Variants in NBAS observed in about 807,000 individuals in gnomAD.
The protein encoded by NBAS is NAG/BC035112 fusion.
A neutral mutation model predicts 302.5 loss-of-function variants in NBAS; 219 were observed. The ratio of observed to expected loss-of-function variants is 0.72; its 90% CI spans 0.65 to 0.81. The LOEUF is 0.81. Among genes scored for constraint, NBAS ranks in the 30% least tolerant of loss-of-function variants. The probability of loss-of-function intolerance (pLI) is 0.00; values close to 1 mark genes in which losing one functional copy is unlikely to be tolerated. For synonymous variants in NBAS, 1,118 were observed against 1,021.6 expected, an observed-to-expected ratio of 1.09 and a Z score of -1.80; for missense variants, 2,932 against 2,841.6, an observed-to-expected ratio of 1.03 and a Z score of -0.72.
chr2:15,034,810 A>G, the NBAS span, among the ~76,000 whole-genome samples: 8 of 152,162 alleles, frequency 5.3e-5, no homozygotes, highest in African/African-American at 1.7e-4. Flanking sequence ...CTTCTGTAAT[A>G]CCAGCCCTTC....
the NBAS span, among the ~76,000 whole-genome samples, chr2:15,030,258 A>G: frequency 8.5e-5 from 13 of 152,316 alleles, 1 homozygote; most frequent in East Asian, 2.3e-3. Context: ...ACATTCCGGA[A>G]CAGATAGAAG....
the NBAS span, among the ~76,000 whole-genome samples, chr2:14,973,989 C>T: frequency 6.6e-6 from 1 of 152,174 alleles, no homozygotes; most frequent in African/African-American, 2.4e-5. Flanking sequence ...TTCTTCAAGA[C>T]CTAGATCTAA....
intron 48 of NBAS, among the ~76,000 whole-genome samples, chr2:15,202,362 G>C (rs1665917955): frequency 6.6e-6 from 1 of 152,052 alleles, no homozygotes; most frequent in Non-Finnish European, 1.5e-5. Flanking sequence ...ATTTTTACAT[G>C]ACTAAATATA....
the NBAS span, among the ~76,000 whole-genome samples, chr2:14,823,132 G>A: frequency 6.6e-6 from 1 of 152,314 alleles, no homozygotes; most frequent in African/African-American, 2.4e-5. Flanking sequence ...ACCCTACAGG[G>A]ACTCGATTTA....
chr2:15,162,116 A>C (rs1028392515), downstream of NBAS, among the ~76,000 whole-genome samples: 1 of 152,154 alleles, frequency 6.6e-6, no homozygotes, highest in Non-Finnish European at 1.5e-5. Context: ...AAAGTTGCTT[A>C]AAGTCGTATT....
At chr2:15,462,837 A>G (rs892845813) in intron 19 of NBAS, among the ~76,000 whole-genome samples, 1 of 152,168 alleles carries the variant, frequency 6.6e-6, no homozygotes, top group Non-Finnish European at 1.5e-5. Flanking sequence ...AGTTTGAAAG[A>G]GCCTTGAGGA....
chr2:15,008,809 A>G, the NBAS span, among the ~76,000 whole-genome samples: 3 of 152,242 alleles, frequency 2.0e-5, 1 homozygote, highest in Admixed American at 2.0e-4. Context: ...AGTAGCAAAA[A>G]TAAATAAATT....
chr2:15,154,816 A>G, the NBAS span, among the ~76,000 whole-genome samples: 5 of 152,148 alleles, frequency 3.3e-5, no homozygotes, highest in African/African-American at 1.2e-4. Context: ...GTGAGGCTAT[A>G]GGTGAGTGTT....
the NBAS span, among the ~76,000 whole-genome samples, chr2:14,968,296 G>T: frequency 2.0e-5 from 3 of 152,132 alleles, no homozygotes; most frequent in Non-Finnish European, 2.9e-5. Context: ...CAATTTAAAA[G>T]TTGGCAAAGT....
chr2:14,882,288 A>C, the NBAS span, among the ~76,000 whole-genome samples: 1 of 152,202 alleles, frequency 6.6e-6, no homozygotes, highest in African/African-American at 2.4e-5. Context: ...CTTCTAGACT[A>C]AAATGAGGAA....
intron 16 of NBAS, among the ~76,000 whole-genome samples, chr2:15,472,060 A>G (rs1022357178): frequency 6.6e-6 from 1 of 152,190 alleles, no homozygotes; most frequent in East Asian, 1.9e-4. Flanking sequence ...TTAAAAAGGC[A>G]TATTTCGCAG....
the NBAS span, among the ~76,000 whole-genome samples, chr2:15,096,402 T>A: frequency 6.6e-6 from 1 of 152,176 alleles, no homozygotes. Context: ...ATGCCATCAT[T>A]ACTGACCCTC....
the NBAS span, among the ~76,000 whole-genome samples, chr2:15,029,723 G>T: frequency 2.6e-5 from 4 of 152,214 alleles, no homozygotes; most frequent in African/African-American, 9.6e-5. Flanking sequence ...GAGGGCAAAT[G>T]ACCCCATCAA....
intron 11 of NBAS, among the ~76,000 whole-genome samples, chr2:15,500,707 G>T (rs994361238): frequency 6.8e-6 from 1 of 146,878 alleles, no homozygotes; most frequent in African/African-American, 2.5e-5. Context: ...AGGCCGAGGC[G>T]GGTGGATCAC....
chr2:15,196,270 G>T (rs950226905), intron 48 of NBAS, among the ~76,000 whole-genome samples: 1 of 152,082 alleles, frequency 6.6e-6, no homozygotes, highest in Admixed American at 6.6e-5. Context: ...ACCTATACAG[G>T]TATAAAACTG....
chr2:14,973,441 A>G, the NBAS span, among the ~76,000 whole-genome samples: 2 of 152,258 alleles, frequency 1.3e-5, no homozygotes, highest in African/African-American at 4.8e-5. Context: ...GAATTTTAAA[A>G]CTGGCTTTGA....
intron 23 of NBAS, among the ~76,000 whole-genome samples, chr2:15,421,776 T>C (rs1467810701): frequency 1.3e-5 from 2 of 152,214 alleles, no homozygotes; most frequent in Non-Finnish European, 2.9e-5. Flanking sequence ...TGCTAGGTTA[T>C]TTACAAATTA....
At chr2:15,325,492 GT>G (rs1405561110) in intron 38 of NBAS, among the ~76,000 whole-genome samples, 1 of 152,122 alleles carries the variant, frequency 6.6e-6, no homozygotes, top group African/African-American at 2.4e-5. Context: ...GTTGCTGAGG[GT>G]TGTGGTGGCT....
At chr2:14,791,905 CT>C in the NBAS span, among the ~76,000 whole-genome samples, 7 of 152,232 alleles carry the variant, frequency 4.6e-5, no homozygotes, top group African/African-American at 1.7e-4. Context: ...AACAAGCAGC[CT>C]GATCCCGAAA....
Sources: gnomAD v4.1 joint callset for allele counts (sites outside exome capture counted in the v4.1 genomes callset) on GRCh38, gnomAD v4.1.1 for gene constraint, MANE v1.5 for transcripts, NCBI Gene and HGNC (gene_info 2026-07-23, HGNC 2026-07-21) for gene names.